Variants in ERC1 observed in about 807,000 individuals in gnomAD.
ERC1 encodes the protein ELKS/RAB6-interacting/CAST family member 1.
A neutral mutation model predicts 132.0 loss-of-function variants in ERC1; 56 were observed. The observed-to-expected ratio is 0.42, with a 90% CI of 0.34 to 0.53. ERC1 has a LOEUF of 0.53. ERC1 is among the 20% of genes least tolerant of loss of function. The probability of loss-of-function intolerance (pLI) is 0.03; values close to 1 mark genes in which losing one functional copy is unlikely to be tolerated. For synonymous variants in ERC1, 478 were observed against 476.1 expected (o/e 1.00, Z -0.05); for missense variants, 1,202 against 1,349.9 (o/e 0.89, Z 1.72).
intron 16 of ERC1, among the ~76,000 whole-genome samples, chr12:1,402,986 G>C (rs112726408): frequency 7.9e-4 from 120 of 152,228 alleles, no homozygotes; most frequent in African/African-American, 2.9e-3. Flanking sequence ...GCTGCGTTTG[G>C]ATAACCTATC....
chr12:1,398,497 A>G (rs774424588), intron 16 of ERC1, among the ~76,000 whole-genome samples: 8 of 152,224 alleles, frequency 5.3e-5, no homozygotes, highest in Non-Finnish European at 1.0e-4. Context: ...TGTAATCTTA[A>G]ATCTGAATTT....
chr12:1,446,428 AC>A (rs1259826655), intron 18 of ERC1, among the ~76,000 whole-genome samples: 3 of 152,186 alleles, frequency 2.0e-5, no homozygotes, highest in Admixed American at 6.5e-5. Context: ...GATATTCCTT[AC>A]CCCCTATAGA....
At chr12:1,433,751 G>T (rs1406409143) in intron 17 of ERC1, among the ~76,000 whole-genome samples, 1 of 152,200 alleles carries the variant, frequency 6.6e-6, no homozygotes, top group African/African-American at 2.4e-5. Context: ...CATGCAAGAA[G>T]ATTACAGTTG....
At chr12:1,004,285 G>C (rs189982177) in intron 1 of ERC1, among the ~76,000 whole-genome samples, 84 of 151,708 alleles carry the variant, frequency 5.5e-4, no homozygotes, top group Non-Finnish European at 9.1e-4. Flanking sequence ...AATGTGTCCA[G>C]TGTGTTTCGT....
chr12:1,244,709 TAG>T (rs1166508425), intron 13 of ERC1: 1 of 366,434 alleles, frequency 2.7e-6, no homozygotes, highest in Non-Finnish European at 5.5e-6. Flanking sequence ...CTGTTTTTAT[TAG>T]AGACGGGGTT....
chr12:1,053,412 G>A (rs1972386913), intron 2 of ERC1, among the ~76,000 whole-genome samples: 1 of 152,198 alleles, frequency 6.6e-6, no homozygotes, highest in East Asian at 1.9e-4. Flanking sequence ...TAGAAATAAT[G>A]CTGTTTTTAT....
chr12:1,162,344 G>A (rs185386044), intron 8 of ERC1, among the ~76,000 whole-genome samples: 1 of 152,302 alleles, frequency 6.6e-6, no homozygotes, highest in East Asian at 1.9e-4. Flanking sequence ...TGTTAAAATT[G>A]TACAGCTTCT....
chr12:1,397,842 G>C (rs1566767490), intron 16 of ERC1, among the ~76,000 whole-genome samples: 1 of 152,084 alleles, frequency 6.6e-6, no homozygotes, highest in Non-Finnish European at 1.5e-5. Flanking sequence ...AGCAGTCCTT[G>C]AAATTTAAAA....
chr12:1,435,220 C>A (rs769298627), intron 17 of ERC1, among the ~76,000 whole-genome samples: 36 of 152,180 alleles, frequency 2.4e-4, no homozygotes, highest in Non-Finnish European at 4.7e-4. Flanking sequence ...ACAACTCTGT[C>A]AGAGCAGCCA....
rs544221119 is a variant in ERC1, at chr12:1,123,462, A to G, written c.1569+7429A>G. ...TTGGGCTAAAAAGATACAGAAAGAT[A>G]CTGTCAACAAGAGTTAAACAGACAA... is the stretch of plus-strand genomic sequence containing the variant. On this transcript the variant is annotated intron_variant, in intron 7 of 18. Coordinates refer to ENST00000360905, the MANE Select transcript of ERC1 (RefSeq NM_178040.4). Among the ~76,000 whole-genome samples, 64 of 152,370 alleles carry G rather than the reference A, an allele frequency of 4.2e-4. No individual in the cohort carries two copies. The South Asian group carries it at 0.012, about 30-fold the overall frequency.
intron 13 of ERC1, among the ~76,000 whole-genome samples, chr12:1,260,517 T>C (rs991714637): frequency 6.6e-6 from 1 of 152,248 alleles, no homozygotes; most frequent in Non-Finnish European, 1.5e-5. Flanking sequence ...TTTGTAGGAC[T>C]CAAGGGCTTT....
intron 13 of ERC1, among the ~76,000 whole-genome samples, chr12:1,261,895 A>T (rs2077166966): frequency 6.6e-6 from 1 of 152,218 alleles, no homozygotes; most frequent in African/African-American, 2.4e-5. Context: ...AAGATTTATC[A>T]ACTGTTCATT....
At chr12:1,158,527 T>C (rs993939665) in intron 8 of ERC1, among the ~76,000 whole-genome samples, 1 of 151,992 alleles carries the variant, frequency 6.6e-6, no homozygotes, top group African/African-American at 2.4e-5. Flanking sequence ...CCTCCTGGGT[T>C]CAAGCGATTC....
chr12:1,466,980 G>A (rs1005925899), intron 18 of ERC1, among the ~76,000 whole-genome samples: 6 of 152,228 alleles, frequency 3.9e-5, no homozygotes, highest in Non-Finnish European at 7.3e-5. Context: ...GAGTGAAAGA[G>A]AGTCTTTAAT....
chr12:1,020,786 G>C (rs1362730108), intron 1 of ERC1: 2 of 152,198 alleles, frequency 1.3e-5, no homozygotes, highest in Non-Finnish European at 2.9e-5. Context: ...AGTTAGTCAT[G>C]AAAGTACATC....
At chr12:1,195,887 CT>C (rs1315906191) in intron 12 of ERC1, among the ~76,000 whole-genome samples, 3 of 130,966 alleles carry the variant, frequency 2.3e-5, no homozygotes, top group African/African-American at 6.4e-5. Context: ...CCCCCCCCCC[CT>C]TTTTTTGTAA....
At chr12:1,190,295 A>G (rs542009968) in intron 12 of ERC1, 32 of 608,422 alleles carry the variant, frequency 5.3e-5, no homozygotes, top group South Asian at 4.9e-4. Flanking sequence ...TTGGCAAAAA[A>G]GAGAGTATTC....
intron 14 of ERC1, among the ~76,000 whole-genome samples, chr12:1,278,031 T>G (rs904930084): frequency 6.6e-6 from 1 of 152,146 alleles, no homozygotes; most frequent in Admixed American, 6.6e-5. Flanking sequence ...TGGCTGGTTA[T>G]GAAATCAGTC....
chr12:1,275,245 T>G (rs1156340843), intron 14 of ERC1, among the ~76,000 whole-genome samples: 1 of 152,182 alleles, frequency 6.6e-6, no homozygotes, highest in African/African-American at 2.4e-5. Context: ...GCCAGCACTT[T>G]GGGAGGCTGA....
Sources: allele counts gnomAD v4.1 joint callset (sites outside exome capture counted in the v4.1 genomes callset), GRCh38; gene constraint gnomAD v4.1.1; transcripts MANE v1.5; gene names NCBI Gene and HGNC (gene_info 2026-07-23, HGNC 2026-07-21).